RYR2: variants seen among roughly 807,000 people sequenced by gnomAD.
RYR2 encodes the protein ryanodine receptor 2.
RYR2 carries 227 observed loss-of-function variants against 601.1 expected under a neutral mutation model. That is an observed-to-expected ratio of 0.38 (90% CI 0.34 to 0.42). RYR2 has a LOEUF of 0.42. Among genes scored for constraint, RYR2 ranks in the 10% least tolerant of loss-of-function variants. The pLI is 1.00. For synonymous variants in RYR2, 2,223 were observed against 2,175.1 expected, an observed-to-expected ratio of 1.02 and a Z score of -0.61; for missense variants, 4,646 against 6,156.5, an observed-to-expected ratio of 0.75 and a Z score of 8.21.
rs1553334508 is a variant in RYR2, at chr1:237,805,574, C to CTTTTTTTTTTTTTTTTTTTTT, written c.14152-562_14152-561insTTTTTTTTTTTTTTTTTTTTT. On this transcript the variant is annotated intron_variant, in intron 98 of 104. Transcript: ENST00000366574. ...CCAGCCTGGGCGACAGAGCTAGACTCTGTCTCAAAAAAAAAAAAAAAAAAA... is the reference window on the plus strand; with the variant it reads ...CCAGCCTGGGCGACAGAGCTAGACTCTTTTTTTTTTTTTTTTTTTTTTGTCTCAAAAAAAAAAAAAAAAAAA... 6.7e-4 allele frequency among the ~76,000 whole-genome samples: 67 copies of CTTTTTTTTTTTTTTTTTTTTT among 100,448 alleles called. 2 individuals carry two copies. The highest frequency in any genetic ancestry group is 2.5e-3 in the East Asian group (9 of 3,542). The allele number at this position is 100,448 out of a possible 152,430, so 65.9% of individuals were successfully genotyped here.
chr1:237,065,074 A>C (rs1351696539), intron 1 of RYR2, among the ~76,000 whole-genome samples: 2 of 152,064 alleles, frequency 1.3e-5, no homozygotes, highest in East Asian at 3.9e-4. Flanking sequence ...AGTCACAGAA[A>C]GCTGATACTC....
intron 1 of RYR2, among the ~76,000 whole-genome samples, chr1:237,054,796 G>A (rs1661769325): frequency 6.6e-6 from 1 of 152,186 alleles, no homozygotes; most frequent in Non-Finnish European, 1.5e-5. Flanking sequence ...TAAAGTAAAA[G>A]TGAGTGGGAT....
chr1:237,458,583 A>C (rs1478925508), intron 16 of RYR2, among the ~76,000 whole-genome samples: 1 of 152,176 alleles, frequency 6.6e-6, no homozygotes, highest in African/African-American at 2.4e-5. Flanking sequence ...TTGATTTCTA[A>C]GGCAAGAATA....
intron 17 of RYR2, among the ~76,000 whole-genome samples, chr1:237,488,846 G>A (rs577047486): frequency 6.6e-6 from 1 of 152,260 alleles, no homozygotes; most frequent in Non-Finnish European, 1.5e-5. Context: ...GAAATAAACA[G>A]CCTTGTTGCT....
At chr1:237,356,430 C>CT (rs35812890) in intron 4 of RYR2, among the ~76,000 whole-genome samples, 5,143 of 144,998 alleles carry the variant, frequency 0.035, 281 homozygotes, top group African/African-American at 0.12. Flanking sequence ...GTCATAGAAC[C>CT]TTTTTTTTTT....
chr1:237,301,145 A>G (rs1440349178), intron 2 of RYR2, among the ~76,000 whole-genome samples: 5 of 152,156 alleles, frequency 3.3e-5, no homozygotes, highest in Non-Finnish European at 5.9e-5. Context: ...ATTGAATCCA[A>G]TAGTTAATTA....
At chr1:237,651,749 G>A (rs1682753471) in intron 51 of RYR2, among the ~76,000 whole-genome samples, 1 of 152,046 alleles carries the variant, frequency 6.6e-6, no homozygotes, top group Non-Finnish European at 1.5e-5. Flanking sequence ...GAAAAAAAAG[G>A]ACCACAGGCC....
intron 31 of RYR2, among the ~76,000 whole-genome samples, 156 bp downstream of exon 31, chr1:237,591,148 C>G (rs1399341508): frequency 2.0e-4 from 1 of 5,062 alleles, no homozygotes; most frequent in African/African-American, 3.5e-4. Flanking sequence ...CTCCTCCTCC[C>G]CCTCCTCCTC....
At chr1:237,538,094 CTT>C (rs1668836095) in intron 25 of RYR2, among the ~76,000 whole-genome samples, 1 of 151,926 alleles carries the variant, frequency 6.6e-6, no homozygotes, top group Non-Finnish European at 1.5e-5. Context: ...TATAACTAGT[CTT>C]TAGGAAGTTC....
At chr1:237,664,174 G>A (rs1353328463) in intron 56 of RYR2, among the ~76,000 whole-genome samples, 1 of 152,148 alleles carries the variant, frequency 6.6e-6, no homozygotes, top group African/African-American at 2.4e-5. Context: ...TTATAACCCG[G>A]AAGGGGAATG....
At chr1:237,314,293 T>C (rs1694893671) in intron 2 of RYR2, among the ~76,000 whole-genome samples, 1 of 152,020 alleles carries the variant, frequency 6.6e-6, no homozygotes, top group Non-Finnish European at 1.5e-5. Context: ...CTCAATCTCC[T>C]GACCTCATGA....
At chr1:237,806,349 T>C in intron 99 of RYR2, 66 bp downstream of exon 99, 1 of 1,437,708 alleles carries the variant, frequency 7.0e-7, no homozygotes, top group South Asian at 1.3e-5. Flanking sequence ...CAAAGAAAAA[T>C]AAAACTACCC....
intron 1 of RYR2, among the ~76,000 whole-genome samples, chr1:237,155,455 C>T (rs748404846): frequency 6.6e-6 from 1 of 151,994 alleles, no homozygotes; most frequent in Non-Finnish European, 1.5e-5. Flanking sequence ...GGATTACAGG[C>T]ATGAGCCGAA....
chr1:237,395,781 C>T (rs1231315456), intron 10 of RYR2, among the ~76,000 whole-genome samples: 2 of 152,126 alleles, frequency 1.3e-5, no homozygotes, highest in East Asian at 1.9e-4. Flanking sequence ...CTCCTGAACT[C>T]GTGATGCGCC....
intron 29 of RYR2, 44 bp downstream of exon 29, chr1:237,569,363 A>G: frequency 1.3e-6 from 2 of 1,580,060 alleles, no homozygotes; most frequent in Non-Finnish European, 1.7e-6. Context: ...TTGCAGCACA[A>G]GGAAGCTTTC....
chr1:237,807,641 C>A (rs1362311548), intron 99 of RYR2, among the ~76,000 whole-genome samples: 1 of 152,124 alleles, frequency 6.6e-6, no homozygotes, highest in African/African-American at 2.4e-5. Context: ...CATGAGCCAC[C>A]CCACCTGGCC....
At chr1:237,764,402 ATTTTTTTTTTTTTTT>A (rs59485547) in intron 84 of RYR2, among the ~76,000 whole-genome samples, 1 of 69,964 alleles carries the variant, frequency 1.4e-5, no homozygotes, top group Non-Finnish European at 2.6e-5. Flanking sequence ...CTTAGGTAGC[ATTTTTTTTTTTTTTT>A]TTTTTTTTTT....
At chr1:237,315,963 C>T (rs999687679) in intron 2 of RYR2, among the ~76,000 whole-genome samples, 3 of 151,652 alleles carry the variant, frequency 2.0e-5, no homozygotes, top group African/African-American at 4.9e-5. Flanking sequence ...ACAGGTCTAA[C>T]GTGATCTTGA....
At chr1:237,115,244 C>T (rs984039850) in intron 1 of RYR2, among the ~76,000 whole-genome samples, 31 of 152,292 alleles carry the variant, frequency 2.0e-4, no homozygotes, top group Non-Finnish European at 3.5e-4. Context: ...ACACCCCCCC[C>T]CTTGCTCTGG....
Sources: gnomAD v4.1 joint callset for allele counts (sites outside exome capture counted in the v4.1 genomes callset) on GRCh38, gnomAD v4.1.1 for gene constraint, MANE v1.5 for transcripts, NCBI Gene and HGNC (gene_info 2026-07-23, HGNC 2026-07-21) for gene names.